Variants in CDKN2B-AS1 observed in about 807,000 individuals in gnomAD.
The protein encoded by CDKN2B-AS1 is CDKN2B antisense RNA 1 (non-protein coding).
intron 1 of CDKN2B-AS1, among the ~76,000 whole-genome samples, chr9:22,011,460 A>T (rs1563919556): frequency 6.6e-6 from 1 of 152,224 alleles, no homozygotes; most frequent in Non-Finnish European, 1.5e-5. Context: ...AATTTTACAG[A>T]CAAGCCAAAA....
At chr9:22,080,002 A>C (rs1190329485) in intron 4 of CDKN2B-AS1, among the ~76,000 whole-genome samples, 5 of 152,228 alleles carry the variant, frequency 3.3e-5, no homozygotes, top group African/African-American at 1.2e-4. Flanking sequence ...CTGTTCATCA[A>C]AGGAGGCCAG....
At chr9:22,062,841 G>A (rs886997657) in intron 4 of CDKN2B-AS1, among the ~76,000 whole-genome samples, 3 of 151,838 alleles carry the variant, frequency 2.0e-5, no homozygotes, top group Non-Finnish European at 4.4e-5. Flanking sequence ...GATAATATTA[G>A]TAGATATTGT....
At chr9:22,069,182 C>T (rs1274904423) in intron 4 of CDKN2B-AS1, among the ~76,000 whole-genome samples, 1 of 152,072 alleles carries the variant, frequency 6.6e-6, no homozygotes, top group Non-Finnish European at 1.5e-5. Context: ...TCCTGGGCCC[C>T]TGTCTTGCAG....
chr9:22,111,721 C>T (rs1165277849), intron 4 of CDKN2B-AS1, among the ~76,000 whole-genome samples: 1 of 152,056 alleles, frequency 6.6e-6, no homozygotes, highest in Non-Finnish European at 1.5e-5. Flanking sequence ...CATTTAATTT[C>T]AGTGCCAATT....
chr9:22,042,710 T>A (rs148232357), intron 1 of CDKN2B-AS1, among the ~76,000 whole-genome samples: 1 of 152,206 alleles, frequency 6.6e-6, no homozygotes. Flanking sequence ...TTTTAAAAAT[T>A]GTCCATAATA....
intron 4 of CDKN2B-AS1, among the ~76,000 whole-genome samples, chr9:22,124,977 T>G (rs1817995873): frequency 6.6e-6 from 1 of 152,278 alleles, no homozygotes; most frequent in Non-Finnish European, 1.5e-5. Context: ...AACTCTTCAC[T>G]GAAAATATTA....
At chr9:22,109,711 T>G (rs566513218) in intron 4 of CDKN2B-AS1, among the ~76,000 whole-genome samples, 25 of 152,264 alleles carry the variant, frequency 1.6e-4, no homozygotes, top group African/African-American at 4.3e-4. Context: ...GTGTCTGTCT[T>G]TTTTCCAGGA....
intron 1 of CDKN2B-AS1, among the ~76,000 whole-genome samples, chr9:22,010,673 C>A (rs1283463502): frequency 1.3e-5 from 2 of 152,200 alleles, no homozygotes; most frequent in African/African-American, 4.8e-5. Context: ...TGAAATCCAC[C>A]TGGACAGGGA....
At chr9:22,040,112 G>C (rs1354013430) in intron 1 of CDKN2B-AS1, among the ~76,000 whole-genome samples, 1 of 152,008 alleles carries the variant, frequency 6.6e-6, no homozygotes, top group Non-Finnish European at 1.5e-5. Flanking sequence ...CAGACGTCTA[G>C]CTTCCAGAGC....
Position 22,106,032 on chromosome 9 carries a change from T to C in CDKN2B-AS1, n.439-21071T>C, listed in dbSNP as rs937496910. On this transcript the variant is annotated intron_variant and non_coding_transcript_variant, in intron 4 of 4. Transcript: ENST00000650946. ...TACAAGCGATTCTCATGCCTTAGCC[T>C]CCCGAGTAGCTGGGATTACAGGCAC... Among the ~76,000 whole-genome samples, 9 of 152,268 alleles carry C rather than the reference T, an allele frequency of 5.9e-5. No homozygotes were observed. In the South Asian group the frequency reaches 1.2e-3, roughly 21 times the overall value.
intron 4 of CDKN2B-AS1, among the ~76,000 whole-genome samples, chr9:22,070,764 G>C (rs558523367): frequency 7.0e-4 from 106 of 152,258 alleles, no homozygotes; most frequent in African/African-American, 2.3e-3. Flanking sequence ...AAGATATTAA[G>C]ATTCCTCAAA....
Position 22,006,164 on chromosome 9 carries a change from G to C in CDKN2B-AS1, n.29+11003G>C, listed in dbSNP as rs761279768. On this transcript the variant is annotated intron_variant and non_coding_transcript_variant, in intron 1 of 4. Coordinates refer to ENST00000650946, the Ensembl canonical transcript of CDKN2B-AS1. This position sits in a 1 kb window ranked among gnomAD's most constrained non-coding sequence, Gnocchi z 6.4. The stretch of plus-strand genomic sequence containing the variant: ...GGGCAGCATCATGCACCGGTCGGGT[G>C]AGAGTGGCAGGGTCTGCGCAGTTGG... 1.4e-5 allele frequency: 23 copies of C among 1,611,468 alleles called. No individual in the cohort carries two copies. Among genetic ancestry groups the C allele is most frequent in the Non-Finnish European group, 1.7e-5 (20 of 1,179,880 alleles).
intron 4 of CDKN2B-AS1, among the ~76,000 whole-genome samples, chr9:22,061,628 T>G (rs1251037099): frequency 6.6e-6 from 1 of 151,992 alleles, no homozygotes; most frequent in Non-Finnish European, 1.5e-5. Context: ...TTTAAAAGAG[T>G]AATCTATTTG....
intron 4 of CDKN2B-AS1, chr9:22,092,283 CTT>C (rs879881897): frequency 1.3e-5 from 2 of 151,858 alleles, no homozygotes; most frequent in African/African-American, 4.8e-5. Context: ...CTAAAATTCT[CTT>C]TTTTTTGTTG....
At chr9:22,089,468 C>T (rs1445157549) in intron 4 of CDKN2B-AS1, among the ~76,000 whole-genome samples, 1 of 152,070 alleles carries the variant, frequency 6.6e-6, no homozygotes, top group African/African-American at 2.4e-5. Context: ...CTCACTCTGT[C>T]ACCCAGGCTG....
At chr9:22,098,690 T>TG (rs1312636515) in intron 4 of CDKN2B-AS1, among the ~76,000 whole-genome samples, 1 of 152,230 alleles carries the variant, frequency 6.6e-6, no homozygotes, top group Non-Finnish European at 1.5e-5. Flanking sequence ...TTTAGGTTTA[T>TG]GTTCTTAGAT....
At chr9:22,064,261 G>T (rs1399723522) in intron 4 of CDKN2B-AS1, among the ~76,000 whole-genome samples, 1 of 152,172 alleles carries the variant, frequency 6.6e-6, no homozygotes, top group African/African-American at 2.4e-5. Flanking sequence ...CACTGGTATA[G>T]TCAGATGGCA....
intron 2 of CDKN2B-AS1, among the ~76,000 whole-genome samples, chr9:22,047,788 T>C (rs1823171257): frequency 6.6e-6 from 1 of 151,834 alleles, no homozygotes. Context: ...ACTTTTTTTT[T>C]CTTTCTTTTT....
chr9:22,009,180 G>T, intron 1 of CDKN2B-AS1: 1 of 644,898 alleles, frequency 1.6e-6, no homozygotes, highest in Non-Finnish European at 2.7e-6. Context: ...AAGAACCAGC[G>T]GGCGCGCCTG....
Sources: gnomAD v4.1 joint callset for allele counts (sites outside exome capture counted in the v4.1 genomes callset) on GRCh38, gnomAD v4.1.1 for gene constraint, Gnocchi (gnomAD v3.1) non-coding constraint, MANE v1.5 for transcripts, NCBI Gene and HGNC (gene_info 2026-07-23, HGNC 2026-07-21) for gene names.